Variants in LRP1B observed in about 807,000 individuals in gnomAD.
LRP1B encodes the protein low-density lipoprotein receptor-related protein 1B.
A neutral mutation model predicts 556.6 loss-of-function variants in LRP1B; 217 were observed. The observed-to-expected ratio is 0.39, with a 90% CI of 0.35 to 0.44. LRP1B has a LOEUF of 0.44. Ranked by LOEUF, LRP1B falls within the 20% of genes least tolerant of loss-of-function variation. LRP1B has a pLI of 1.00. For missense variants in LRP1B, 5,053 were observed against 5,620.8 expected (o/e 0.90, Z 3.23); for synonymous variants, 2,047 against 1,865.8 (o/e 1.10, Z -2.50).
At chr2:141,023,521 G>C (rs962629584) in intron 11 of LRP1B, among the ~76,000 whole-genome samples, 19 of 152,004 alleles carry the variant, frequency 1.2e-4, no homozygotes, top group Non-Finnish European at 2.6e-4. Flanking sequence ...TTTTTAAAGA[G>C]AGTGGTTTTG....
At chr2:140,906,392 T>C (rs1157829800) in intron 22 of LRP1B, among the ~76,000 whole-genome samples, 2 of 152,154 alleles carry the variant, frequency 1.3e-5, no homozygotes, top group East Asian at 1.9e-4. Context: ...AAAATGAGGT[T>C]GTTTTTTCTT....
At chr2:141,929,395 G>A (rs1037969600) in intron 1 of LRP1B, among the ~76,000 whole-genome samples, 1 of 151,966 alleles carries the variant, frequency 6.6e-6, no homozygotes, top group Non-Finnish European at 1.5e-5. Flanking sequence ...TCATCAATTT[G>A]ATTATTTTAT....
chr2:140,699,238 T>G, intron 41 of LRP1B, among the ~76,000 whole-genome samples: 1 of 152,054 alleles, frequency 6.6e-6, no homozygotes, highest in East Asian at 1.9e-4. Flanking sequence ...GGTAGAGGCT[T>G]TCAAAAGTGT....
chr2:140,389,122 A>G (rs1312578976), intron 66 of LRP1B, among the ~76,000 whole-genome samples: 1 of 146,512 alleles, frequency 6.8e-6, no homozygotes, highest in East Asian at 1.9e-4. Context: ...AGTATGGAGA[A>G]AACAAATATG....
At chr2:141,076,780 C>A (rs541468776) in intron 7 of LRP1B, among the ~76,000 whole-genome samples, 1 of 152,296 alleles carries the variant, frequency 6.6e-6, no homozygotes, top group South Asian at 2.1e-4. Flanking sequence ...AAGCACCTGG[C>A]CTCCACCTCT....
intron 83 of LRP1B, among the ~76,000 whole-genome samples, chr2:140,305,648 T>A (rs1255780974): frequency 6.6e-6 from 1 of 152,124 alleles, no homozygotes; most frequent in Admixed American, 6.6e-5. Context: ...CTTTATTTCT[T>A]TCTCCTGCCT....
At chr2:140,646,827 T>G (rs749050972) in intron 41 of LRP1B, among the ~76,000 whole-genome samples, 1 of 152,092 alleles carries the variant, frequency 6.6e-6, no homozygotes, top group Admixed American at 6.6e-5. Context: ...GTGATATATA[T>G]CTGTATAGAT....
At chr2:140,483,041 C>T (rs1041904961) in intron 59 of LRP1B, among the ~76,000 whole-genome samples, 1 of 152,024 alleles carries the variant, frequency 6.6e-6, no homozygotes, top group African/African-American at 2.4e-5. Context: ...ATCCAAGTTG[C>T]CTGATTTTCT....
chr2:141,313,533 C>T (rs1573790658), intron 3 of LRP1B, among the ~76,000 whole-genome samples: 1 of 152,226 alleles, frequency 6.6e-6, no homozygotes, highest in South Asian at 2.1e-4. Flanking sequence ...GGAATTTAAG[C>T]CAAAACCAAA....
intron 1 of LRP1B, among the ~76,000 whole-genome samples, chr2:141,976,123 AT>A (rs962378553): frequency 2.0e-5 from 3 of 151,880 alleles, no homozygotes; most frequent in South Asian, 2.1e-4. Flanking sequence ...ATGACTTACA[AT>A]TTTTTTTCTG....
chr2:140,870,710 A>T (rs1269765183), intron 25 of LRP1B, among the ~76,000 whole-genome samples: 1 of 152,170 alleles, frequency 6.6e-6, no homozygotes, highest in African/African-American at 2.4e-5. Context: ...TTTTCTCTTC[A>T]TTTAATTATA....
At chr2:140,374,818 C>T (rs1382430620) in intron 68 of LRP1B, among the ~76,000 whole-genome samples, 2 of 151,958 alleles carry the variant, frequency 1.3e-5, no homozygotes, top group Middle Eastern at 3.2e-3. Flanking sequence ...TTTTTAGGAG[C>T]GATGAATGAT....
chr2:141,295,666 T>G (rs1686152192), intron 3 of LRP1B, among the ~76,000 whole-genome samples: 1 of 151,950 alleles, frequency 6.6e-6, no homozygotes, highest in African/African-American at 2.4e-5. Context: ...GAAAGCAATT[T>G]ATAGATGTCT....
intron 3 of LRP1B, among the ~76,000 whole-genome samples, chr2:141,455,666 C>G (rs1252095113): frequency 6.6e-6 from 1 of 152,076 alleles, no homozygotes; most frequent in African/African-American, 2.4e-5. Flanking sequence ...AACTCAGTAA[C>G]CACCTAAAGA....
chr2:140,785,303 G>A (rs1172847936), intron 32 of LRP1B, among the ~76,000 whole-genome samples: 3 of 152,088 alleles, frequency 2.0e-5, no homozygotes, highest in Non-Finnish European at 4.4e-5. Flanking sequence ...TACATCAAAG[G>A]AGTAAACTGG....
chr2:141,915,358 C>G (rs968367669), intron 1 of LRP1B, among the ~76,000 whole-genome samples: 2 of 152,086 alleles, frequency 1.3e-5, no homozygotes, highest in African/African-American at 4.8e-5. Context: ...ACACACCATA[C>G]AAATACACCA....
intron 35 of LRP1B, among the ~76,000 whole-genome samples, chr2:140,735,472 G>A (rs967067701): frequency 1.5e-4 from 23 of 152,100 alleles, no homozygotes; most frequent in Admixed American, 7.9e-4. Context: ...GCAAACAGAC[G>A]CTCTAATTGA....
chr2:140,932,967 A>G (rs910982812), intron 20 of LRP1B, among the ~76,000 whole-genome samples: 4 of 151,668 alleles, frequency 2.6e-5, no homozygotes, highest in Admixed American at 6.6e-5. Context: ...ATACACATAT[A>G]TATGTATATA....
chr2:141,081,975 T>A (rs894309835), intron 7 of LRP1B, among the ~76,000 whole-genome samples: 1 of 152,198 alleles, frequency 6.6e-6, no homozygotes, highest in African/African-American at 2.4e-5. Flanking sequence ...TTGTCAATGT[T>A]TTTTATAAAG....
Sources: gnomAD v4.1 joint callset for allele counts (sites outside exome capture counted in the v4.1 genomes callset) on GRCh38, gnomAD v4.1.1 for gene constraint, MANE v1.5 for transcripts, NCBI Gene and HGNC (gene_info 2026-07-23, HGNC 2026-07-21) for gene names.